NME7: variants seen among roughly 807,000 people sequenced by gnomAD.
NME7 encodes the protein nucleoside diphosphate kinase 7.
NME7 carries 41 observed loss-of-function variants against 49.1 expected under a neutral mutation model. The ratio of observed to expected loss-of-function variants is 0.83; its 90% confidence interval spans 0.65 to 1.08. The LOEUF is 1.08. Among genes scored for constraint, NME7 ranks in the 50% least tolerant of loss-of-function variants. NME7 has a pLI of 0.00. For synonymous variants in NME7, 139 were observed against 150.6 expected (o/e 0.92, Z 0.56); for missense variants, 423 against 463.4 (o/e 0.91, Z 0.80).
chr1:169,255,887 T>C lies in NME7; in HGVS notation c.755-18200A>G, dbSNP rs1189883213. ...TCTTTTCTTTAAGAATGGTGAATAT[T>C]GGCCCCCACTCTCTTCTGGCTTGTA... On this transcript the variant is annotated intron_variant, in intron 7 of 11. Coordinates refer to ENST00000367811, the MANE Select transcript of NME7 (RefSeq NM_013330.5). 1.9e-3 allele frequency among the ~76,000 whole-genome samples: 247 copies of C among 133,242 alleles called. 24 individuals carry two copies. Among genetic ancestry groups the C allele is most frequent in the African/African-American group, 5.7e-3 (225 of 39,406 alleles). The allele number at this position is 133,242 out of a possible 152,430, so 87.4% of individuals were successfully genotyped here. A position where few individuals can be genotyped will look rare whatever the true frequency, so the allele number is the denominator to read the frequency against.
intron 10 of NME7, among the ~76,000 whole-genome samples, chr1:169,201,208 G>A (rs1246622731): frequency 6.6e-6 from 1 of 152,236 alleles, no homozygotes; most frequent in East Asian, 1.9e-4. Context: ...TCCAGCCTGG[G>A]TGACAGAGCG....
intron 7 of NME7, among the ~76,000 whole-genome samples, chr1:169,258,790 T>C (rs1470587911): frequency 7.5e-6 from 1 of 133,754 alleles, no homozygotes; most frequent in Non-Finnish European, 1.8e-5. Context: ...TATAGATAGG[T>C]ACAGCTTTGC....
At chr1:169,165,901 A>G (rs1200713208) in intron 11 of NME7, among the ~76,000 whole-genome samples, 2 of 152,218 alleles carry the variant, frequency 1.3e-5, no homozygotes, top group African/African-American at 4.8e-5. Context: ...ATAATCAGCC[A>G]TATAAGAGGA....
At chr1:169,289,274 C>T (rs1439232004) in intron 6 of NME7, among the ~76,000 whole-genome samples, 2 of 152,126 alleles carry the variant, frequency 1.3e-5, no homozygotes, top group Non-Finnish European at 2.9e-5. Flanking sequence ...CAGTCTCCTT[C>T]GATGGTTTTC....
chr1:169,188,089 G>T (rs1660123541), intron 10 of NME7, among the ~76,000 whole-genome samples: 1 of 152,134 alleles, frequency 6.6e-6, no homozygotes, highest in Non-Finnish European at 1.5e-5. Flanking sequence ...CTCTCTTCTG[G>T]CTTGTAGGGT....
chr1:169,136,331 A>G (rs1658430185), intron 11 of NME7, among the ~76,000 whole-genome samples: 1 of 152,218 alleles, frequency 6.6e-6, no homozygotes, highest in Non-Finnish European at 1.5e-5. Flanking sequence ...TAATAGTATA[A>G]TACAACTCAG....
At chr1:169,318,018 T>C (rs909733185) in intron 3 of NME7, among the ~76,000 whole-genome samples, 2 of 152,168 alleles carry the variant, frequency 1.3e-5, no homozygotes, top group Non-Finnish European at 2.9e-5. Flanking sequence ...GTTAAGCACA[T>C]TGGAATCAGA....
chr1:169,340,131 C>G (rs1488522748), intron 1 of NME7, among the ~76,000 whole-genome samples: 1 of 152,196 alleles, frequency 6.6e-6, no homozygotes, highest in African/African-American at 2.4e-5. Context: ...TGGTTTGGCT[C>G]TGGGTCCCCA....
At chr1:169,184,474 T>C (rs932079694) in intron 10 of NME7, among the ~76,000 whole-genome samples, 5 of 152,190 alleles carry the variant, frequency 3.3e-5, no homozygotes, top group Admixed American at 2.6e-4. Context: ...TCCCCTATGA[T>C]CCCTCCCTCT....
intron 6 of NME7, among the ~76,000 whole-genome samples, chr1:169,289,842 T>A (rs1650430555): frequency 6.6e-6 from 1 of 152,090 alleles, no homozygotes; most frequent in African/African-American, 2.4e-5. Context: ...ACTAGGTCAT[T>A]GTTATGGCAA....
At chr1:169,340,547 G>A (rs1331062187) in intron 1 of NME7, among the ~76,000 whole-genome samples, 6 of 152,220 alleles carry the variant, frequency 3.9e-5, no homozygotes, top group Non-Finnish European at 8.8e-5. Flanking sequence ...CTTTGGAACT[G>A]GGTAACAGGC....
At chr1:169,213,162 C>T (rs1019000127) in intron 10 of NME7, among the ~76,000 whole-genome samples, 11 of 151,966 alleles carry the variant, frequency 7.2e-5, no homozygotes, top group African/African-American at 1.9e-4. Flanking sequence ...ACTAGATCAA[C>T]GATATTTATT....
intron 8 of NME7, 95 bp from the exon 9 acceptor site, chr1:169,235,294 C>G: frequency 3.6e-6 from 2 of 563,272 alleles, no homozygotes; most frequent in Non-Finnish European, 3.0e-6. Context: ...GTAATCTCTT[C>G]TTTACTCTAA....
intron 7 of NME7, among the ~76,000 whole-genome samples, chr1:169,278,131 A>T (rs1045788158): frequency 1.3e-5 from 2 of 150,754 alleles, no homozygotes; most frequent in South Asian, 2.1e-4. Flanking sequence ...TTTTTCCTTC[A>T]TTTCAACTTT....
intron 7 of NME7, among the ~76,000 whole-genome samples, chr1:169,256,291 C>G (rs566942093): frequency 7.5e-6 from 1 of 133,344 alleles, no homozygotes; most frequent in African/African-American, 2.5e-5. Context: ...CTAAACTTTC[C>G]TTCTCGCTTC....
chr1:169,190,792 CTGTTTCT>C (rs1660197477), intron 10 of NME7: 1 of 127,318 alleles, frequency 7.9e-6, no homozygotes, highest in African/African-American at 3.9e-5. Flanking sequence ...AGCAAGTGAA[CTGTTTCT>C]TTTTTTTTTT....
chr1:169,328,090 C>T (rs1652130163), intron 1 of NME7, among the ~76,000 whole-genome samples: 1 of 152,128 alleles, frequency 6.6e-6, no homozygotes, highest in South Asian at 2.1e-4. Context: ...AAGTCTGCTG[C>T]TGCTGGTGCT....
At chr1:169,278,462 C>T (rs1158595977) in intron 7 of NME7, among the ~76,000 whole-genome samples, 4 of 152,158 alleles carry the variant, frequency 2.6e-5, no homozygotes, top group Admixed American at 2.0e-4. Flanking sequence ...GAAACCCTTT[C>T]TTCCAGTTGA....
At chr1:169,156,614 T>A (rs1445917323) in intron 11 of NME7, among the ~76,000 whole-genome samples, 2 of 152,210 alleles carry the variant, frequency 1.3e-5, no homozygotes, top group African/African-American at 4.8e-5. Flanking sequence ...TAAATACAGT[T>A]CTTAAGTCAT....
Sources: gnomAD v4.1 joint callset for allele counts (sites outside exome capture counted in the v4.1 genomes callset) on GRCh38, gnomAD v4.1.1 for gene constraint, MANE v1.5 for transcripts, NCBI Gene and HGNC (gene_info 2026-07-23, HGNC 2026-07-21) for gene names.